Variants in NME8 observed in about 807,000 individuals in gnomAD.
NME8 encodes protein NME8.
NME8 carries 72 observed loss-of-function variants against 82.3 expected under a neutral mutation model. The observed-to-expected ratio is 0.87, with a 90% CI of 0.72 to 1.06. The LOEUF (loss-of-function observed/expected upper bound fraction) is 1.06, where lower values mean the gene tolerates loss of function less well. NME8 is among the 50% of genes least tolerant of loss of function. The probability of loss-of-function intolerance (pLI) is 0.00; values close to 1 mark genes in which losing one functional copy is unlikely to be tolerated. For missense variants in NME8, 712 were observed against 685.4 expected (o/e 1.04, Z -0.43); for synonymous variants, 267 against 228.5 (o/e 1.17, Z -1.52).
intron 6 of NME8, among the ~76,000 whole-genome samples, chr7:37,858,495 A>G (rs972293384): frequency 6.6e-6 from 1 of 152,014 alleles, no homozygotes; most frequent in Non-Finnish European, 1.5e-5. Flanking sequence ...TGTTTTTTGT[A>G]AAGGGCCAGG....
At chr7:37,883,068 C>T (rs1784988245) in intron 12 of NME8, among the ~76,000 whole-genome samples, 1 of 152,088 alleles carries the variant, frequency 6.6e-6, no homozygotes, top group South Asian at 2.1e-4. Flanking sequence ...TTAGGGAAGG[C>T]AATCTCCAGG....
At chr7:37,898,781 T>A (rs536831693) in intron 17 of NME8, among the ~76,000 whole-genome samples, 14 of 152,204 alleles carry the variant, frequency 9.2e-5, no homozygotes, top group Non-Finnish European at 1.6e-4. Context: ...TTTTGGAAAT[T>A]GTTTGTGGTG....
At chr7:37,896,342 C>T (rs1210636312) in intron 16 of NME8, among the ~76,000 whole-genome samples, 1 of 151,868 alleles carries the variant, frequency 6.6e-6, no homozygotes, top group Non-Finnish European at 1.5e-5. Context: ...GGCAAAGAAG[C>T]AGGATGGGGA....
intron 11 of NME8, among the ~76,000 whole-genome samples, chr7:37,868,902 C>T (rs185568060): frequency 3.6e-4 from 55 of 152,262 alleles, no homozygotes; most frequent in African/African-American, 1.2e-3. Context: ...TGGTTTTATG[C>T]GCTGCTGTTT....
intron 13 of NME8, 78 bp downstream of exon 13, chr7:37,884,525 T>G: frequency 7.7e-7 from 1 of 1,297,130 alleles, no homozygotes; most frequent in South Asian, 1.2e-5. Context: ...GGTTTCTATT[T>G]AAGCTGCCAA....
intron 16 of NME8, among the ~76,000 whole-genome samples, chr7:37,895,743 C>T (rs1408824193): frequency 2.0e-5 from 3 of 152,098 alleles, no homozygotes; most frequent in African/African-American, 7.2e-5. Context: ...GCCTTAGTGA[C>T]ATCGTGATCA....
Position 37,850,734 on chromosome 7 carries a change from T to A in NME8, c.197T>A (p.Val66Asp). Residue 66 changes from valine to aspartate, a missense_variant and splice_region_variant, in exon 5 of 18, where the codon GTC becomes GAC. Transcript: ENST00000199447. ...LNEDEILHFA[V>D]AEADNIVTLQ... ...GAAGACGAAATTCTGCATTTTGCTGTCGTAAGAATTTTGTTTTCATTAAAC... is the reference window on the plus strand; with the variant it reads ...GAAGACGAAATTCTGCATTTTGCTGACGTAAGAATTTTGTTTTCATTAAAC... 6.2e-7 allele frequency: 1 copy of A among 1,605,644 alleles called. No individual in the cohort carries two copies. Among genetic ancestry groups the A allele is most frequent in the Non-Finnish European group, 8.5e-7 (1 of 1,172,714 alleles).
chr7:37,888,763 C>A (rs1474418370), intron 15 of NME8, among the ~76,000 whole-genome samples: 1 of 151,864 alleles, frequency 6.6e-6, no homozygotes, highest in African/African-American at 2.4e-5. Context: ...AATGATATTT[C>A]AAATATTGAA....
intron 12 of NME8, among the ~76,000 whole-genome samples, chr7:37,878,961 C>A (rs1032546149): frequency 6.6e-6 from 1 of 151,842 alleles, no homozygotes; most frequent in African/African-American, 2.4e-5. Flanking sequence ...TCAGGTATTC[C>A]CATTACAGTA....
At chr7:37,894,160 G>A (rs1399785715) in intron 15 of NME8, among the ~76,000 whole-genome samples, 3 of 152,102 alleles carry the variant, frequency 2.0e-5, no homozygotes, top group African/African-American at 7.2e-5. Context: ...GTAGTATGAA[G>A]GTGAAAATAG....
At chr7:37,891,169 C>T (rs1785123805) in intron 15 of NME8, among the ~76,000 whole-genome samples, 1 of 151,808 alleles carries the variant, frequency 6.6e-6, no homozygotes, top group Non-Finnish European at 1.5e-5. Context: ...CTTATATATG[C>T]TGTATATTAA....
Position 37,872,684 on chromosome 7 carries a change from G to A in NME8, c.819-4148G>A, listed in dbSNP as rs115567338. Among the ~76,000 whole-genome samples the A allele has an allele frequency of 7.8e-3, 1,184 of 152,298 alleles. 13 individuals are homozygous for A. Among genetic ancestry groups the A allele is most frequent in the African/African-American group, 0.027 (1,110 of 41,566 alleles). On this transcript the variant is annotated intron_variant, in intron 11 of 17. Coordinates refer to ENST00000199447, the MANE Select transcript of NME8 (RefSeq NM_016616.5). ...GAAAGTACACACAAAAAATTAGACA[G>A]GATGAGAGCAGAAGTCTGCAATCTG... is the stretch of plus-strand genomic sequence containing the variant.
At position 37,863,359 on chromosome 7, in the gene NME8, A is replaced by G; in HGVS notation, c.388-37A>G. 4 of 1,230,782 alleles carry G rather than the reference A, an allele frequency of 3.2e-6. No homozygotes were observed. The East Asian group carries it at 9.3e-5, about 29-fold the overall frequency. 76.2% of individuals were successfully genotyped at this position (1,230,782 alleles called of 1,614,324 possible). A position where few individuals can be genotyped will look rare whatever the true frequency, so the allele number is the denominator to read the frequency against. The stretch of plus-strand genomic sequence containing the variant: ...CCCACTCACTATCATATTAAAACAT[A>G]ACTGTGTTATCTTTGCATTGCATTT... On this transcript the variant is annotated intron_variant, in intron 7 of 17. Transcript: ENST00000199447.
At chr7:37,851,185 C>G (rs1223844670) in intron 5 of NME8, among the ~76,000 whole-genome samples, 1 of 152,188 alleles carries the variant, frequency 6.6e-6, no homozygotes, top group Non-Finnish European at 1.5e-5. Flanking sequence ...TATAGCCAAA[C>G]ACATTTTACT....
chr7:37,895,015 T>C (rs965651989), intron 16 of NME8, among the ~76,000 whole-genome samples: 1 of 152,156 alleles, frequency 6.6e-6, no homozygotes, highest in Non-Finnish European at 1.5e-5. Flanking sequence ...AGTTTCCTTA[T>C]CTGTTGAATG....
chr7:37,879,924 C>T (rs1784917289), intron 12 of NME8, among the ~76,000 whole-genome samples: 1 of 152,080 alleles, frequency 6.6e-6, no homozygotes, highest in South Asian at 2.1e-4. Context: ...TAGTGTTGTC[C>T]TTGTTTACAA....
intron 12 of NME8, among the ~76,000 whole-genome samples, chr7:37,883,021 A>G (rs949045485): frequency 6.6e-6 from 1 of 152,198 alleles, no homozygotes; most frequent in Admixed American, 6.5e-5. Flanking sequence ...CACCTGGTTT[A>G]TAATTCCTTT....
At chr7:37,871,081 A>T (rs894297699) in intron 11 of NME8, among the ~76,000 whole-genome samples, 1 of 151,976 alleles carries the variant, frequency 6.6e-6, no homozygotes, top group Non-Finnish European at 1.5e-5. Flanking sequence ...GGTGGTGGGG[A>T]TGGAGAGGGT....
chr7:37,885,341 A>C (rs1171967998), intron 14 of NME8, 89 bp downstream of exon 14: 1 of 828,092 alleles, frequency 1.2e-6, no homozygotes, highest in African/African-American at 1.7e-5. Flanking sequence ...CCACAGCTCT[A>C]GTCCAAGGGA....
Sources: allele counts gnomAD v4.1 joint callset (sites outside exome capture counted in the v4.1 genomes callset), GRCh38; gene constraint gnomAD v4.1.1; transcripts MANE v1.5; gene names NCBI Gene and HGNC (gene_info 2026-07-23, HGNC 2026-07-21).